PLPP1: variants seen among roughly 807,000 people sequenced by gnomAD.
The protein encoded by PLPP1 is phospholipid phosphatase 1, also known as lipid phosphate phosphohydrolase 1a.
A neutral mutation model predicts 31.2 loss-of-function variants in PLPP1; 24 were observed. The ratio of observed to expected loss-of-function variants is 0.77; its 90% CI spans 0.56 to 1.08. The LOEUF (loss-of-function observed/expected upper bound fraction) is 1.08. Among genes scored for constraint, PLPP1 ranks in the 50% least tolerant of loss-of-function variants. The pLI is 0.00. For synonymous variants in PLPP1, 146 were observed against 126.3 expected (o/e 1.16, Z -1.05); for missense variants, 319 against 342.7 (o/e 0.93, Z 0.55).
chr5:55,445,029 C>T (rs1400342185), intron 3 of PLPP1, among the ~76,000 whole-genome samples: 5 of 152,130 alleles, frequency 3.3e-5, no homozygotes, highest in African/African-American at 9.7e-5. Context: ...GGATTACAGG[C>T]GTGAGCCACC....
rs183605242 is a variant in PLPP1 at position 55,433,859 on chromosome 5, T to C, written c.550-7820A>G. ...GAGAAAGAAATCAAGAGGTCAGGCC[T>C]GGCATTGTGGCTTACGCCTGTAATC... On this transcript the variant is annotated intron_variant, in intron 4 of 5. Coordinates refer to ENST00000307259, the MANE Select transcript of PLPP1 (RefSeq NM_003711.4). Among the ~76,000 whole-genome samples, 500 of 151,642 alleles carry C rather than the reference T, an allele frequency of 3.3e-3. 8 individuals carry two copies. The highest frequency in any genetic ancestry group is 0.031 in the Admixed American group (467 of 15,232).
chr5:55,477,979 T>A (rs1475953998), intron 1 of PLPP1, among the ~76,000 whole-genome samples: 2 of 140,260 alleles, frequency 1.4e-5, no homozygotes, highest in African/African-American at 5.3e-5. Flanking sequence ...CACTCTGTCT[T>A]AAAAAAAAAA....
chr5:55,486,193 T>TTA (rs1251552915), intron 1 of PLPP1, among the ~76,000 whole-genome samples: 1 of 152,202 alleles, frequency 6.6e-6, no homozygotes, highest in Non-Finnish European at 1.5e-5. Flanking sequence ...AAGCATTTCT[T>TTA]TATATTTCTT....
rs186286558 is a variant in PLPP1, at chr5:55,489,870, G to T, written c.59-14420C>A. On this transcript the variant is annotated intron_variant, in intron 1 of 5. Coordinates refer to ENST00000307259, the MANE Select transcript of PLPP1 (RefSeq NM_003711.4). Reference sequence around the variant, plus strand: ...CCAGAGGAGAAATAAGGTGTGATATGCTGCACTGCCAAGACACTCAAGGAG... The same window carrying T: ...CCAGAGGAGAAATAAGGTGTGATATTCTGCACTGCCAAGACACTCAAGGAG... 2.0e-5 allele frequency among the ~76,000 whole-genome samples: 3 copies of T among 152,202 alleles called. No homozygotes were observed. The East Asian group carries it at 5.8e-4, about 29-fold the overall frequency.
chr5:55,469,552 C>G (rs1238932951), intron 2 of PLPP1, among the ~76,000 whole-genome samples: 1 of 149,636 alleles, frequency 6.7e-6, no homozygotes, highest in Non-Finnish European at 1.5e-5. Context: ...GCAGCCTGAA[C>G]AGTGGGTTTG....
chr5:55,458,887 CA>C (rs529067608), intron 3 of PLPP1, among the ~76,000 whole-genome samples: 118 of 21,088 alleles, frequency 5.6e-3, no homozygotes, highest in African/African-American at 0.011. Flanking sequence ...ACCCTGTCTC[CA>C]AAAAAAAAAA....
chr5:55,485,255 C>G (rs1375062902), intron 1 of PLPP1, among the ~76,000 whole-genome samples: 1 of 152,136 alleles, frequency 6.6e-6, no homozygotes, highest in Non-Finnish European at 1.5e-5. Context: ...CATGCTAACT[C>G]CAGGTGGTTA....
chr5:55,428,999 C>T (rs549397998), intron 4 of PLPP1, among the ~76,000 whole-genome samples: 1 of 152,188 alleles, frequency 6.6e-6, no homozygotes, highest in South Asian at 2.1e-4. Context: ...ATAGCCCTGC[C>T]TTCTCCTTGC....
chr5:55,471,202 AT>A (rs113348948), intron 2 of PLPP1, among the ~76,000 whole-genome samples: 19,712 of 139,394 alleles, frequency 0.14, 1,231 homozygotes, highest in African/African-American at 0.21. Flanking sequence ...ATCAGATCAG[AT>A]TTTTTTTTTT....
intron 1 of PLPP1, among the ~76,000 whole-genome samples, chr5:55,514,662 A>C (rs192985060): frequency 2.0e-5 from 3 of 152,366 alleles, no homozygotes; most frequent in Non-Finnish European, 2.9e-5. Context: ...AGCTTTGTTT[A>C]AAACACACAC....
At chr5:55,488,737 C>A (rs780099155) in intron 1 of PLPP1, among the ~76,000 whole-genome samples, 3 of 152,200 alleles carry the variant, frequency 2.0e-5, no homozygotes, top group Non-Finnish European at 4.4e-5. Context: ...CAGTAGTTGT[C>A]TTCAGGTAGT....
In PLPP1 at chr5:55,534,673, C is replaced by A; in HGVS notation, c.-44G>T. The A allele has an allele frequency of 1.3e-6, 2 of 1,512,822 alleles. No individual in the cohort carries two copies. The highest frequency in any genetic ancestry group is 2.5e-5 in the South Asian group (2 of 80,654). The allele number at this position is 1,512,822 out of a possible 1,614,324, so 93.7% of individuals were successfully genotyped here. ...CCGGCAAGGGCGATGGACTGAGCTG[C>A]GGGACGGCGGCCGAGGCCCTTGATT... is the stretch of plus-strand genomic sequence containing the variant. On this transcript the variant is annotated 5_prime_UTR_variant, in exon 1 of 6. Coordinates refer to ENST00000307259, the MANE Select transcript of PLPP1 (RefSeq NM_003711.4).
intron 3 of PLPP1, among the ~76,000 whole-genome samples, chr5:55,453,533 T>A (rs1751938184): frequency 6.6e-6 from 1 of 152,246 alleles, no homozygotes; most frequent in African/African-American, 2.4e-5. Flanking sequence ...GAATAATGTG[T>A]GCAAAATGCC....
At chr5:55,432,314 T>TA (rs1321472942) in intron 4 of PLPP1, among the ~76,000 whole-genome samples, 1 of 152,182 alleles carries the variant, frequency 6.6e-6, no homozygotes, top group East Asian at 1.9e-4. Flanking sequence ...CCTGGATACA[T>TA]ACAATCTTCC....
At chr5:55,528,268 T>G (rs1250540308) in intron 1 of PLPP1, among the ~76,000 whole-genome samples, 2 of 152,184 alleles carry the variant, frequency 1.3e-5, no homozygotes, top group Non-Finnish European at 2.9e-5. Context: ...CTTCTGACCT[T>G]TCTGCGTCTC....
intron 1 of PLPP1, among the ~76,000 whole-genome samples, chr5:55,513,460 C>T (rs1753485259): frequency 6.6e-6 from 1 of 151,776 alleles, no homozygotes; most frequent in East Asian, 1.9e-4. Context: ...TTAGTAGAGA[C>T]AGGGTTTCAC....
chr5:55,485,795 G>A (rs1286981243), intron 1 of PLPP1, among the ~76,000 whole-genome samples: 1 of 151,960 alleles, frequency 6.6e-6, no homozygotes, highest in Non-Finnish European at 1.5e-5. Flanking sequence ...ATCTTTCTAT[G>A]TCAATATTAT....
At chr5:55,489,896 G>C (rs1023932393) in intron 1 of PLPP1, among the ~76,000 whole-genome samples, 12 of 152,100 alleles carry the variant, frequency 7.9e-5, no homozygotes, top group African/African-American at 2.7e-4. Context: ...ACTCAAGGAG[G>C]TAAATCTTCA....
intron 4 of PLPP1, among the ~76,000 whole-genome samples, chr5:55,427,377 C>G (rs952944058): frequency 1.3e-5 from 2 of 152,160 alleles, no homozygotes; most frequent in African/African-American, 2.4e-5. Flanking sequence ...CCATCTAGTT[C>G]TAAAAGAGCA....
Sources: gnomAD v4.1 joint callset for allele counts (sites outside exome capture counted in the v4.1 genomes callset) on GRCh38, gnomAD v4.1.1 for gene constraint, MANE v1.5 for transcripts, NCBI Gene and HGNC (gene_info 2026-07-23, HGNC 2026-07-21) for gene names.